Variants in CHAC2 observed in about 807,000 individuals in gnomAD.
CHAC2 encodes the protein glutathione-specific gamma-glutamylcyclotransferase 2.
A neutral mutation model predicts 16.9 loss-of-function variants in CHAC2; 20 were observed. That is an observed-to-expected ratio of 1.18 (90% CI 0.83 to 1.72). The LOEUF is 1.72. Among genes scored for constraint, CHAC2 ranks in the 40% most tolerant of loss-of-function variants. The pLI, the probability that CHAC2 is intolerant of heterozygous loss-of-function variation, is 0.00. For missense variants in CHAC2, 269 were observed against 222.2 expected, an observed-to-expected ratio of 1.21 and a Z score of -1.34; for synonymous variants, 91 against 77.3, an observed-to-expected ratio of 1.18 and a Z score of -0.93.
chr2:53,767,827 C>G lies in CHAC2; in HGVS notation c.-60C>G. 6.5e-7 allele frequency: 1 copy of G among 1,550,132 alleles called. No homozygotes were observed. Among genetic ancestry groups the G allele is most frequent in the Non-Finnish European group, 8.7e-7 (1 of 1,144,482 alleles). On this transcript the variant is annotated 5_prime_UTR_variant, in exon 1 of 3. Transcript: ENST00000295304. ...TTACTCGCTTACCGGAGGCTTCAGT[C>G]CCCGGCGGCGCGGCGACAGCTAGGG...
Position 53,768,174 on chromosome 2 carries a change from C to G in CHAC2, c.135+153C>G, listed in dbSNP as rs139183420. 1,948 of 877,690 alleles carry G rather than the reference C, an allele frequency of 2.2e-3. 16 individuals are homozygous for G. The highest frequency in any genetic ancestry group is 0.012 in the South Asian group (627 of 51,322). The allele number at this position is 877,690 out of a possible 1,614,324, so 54.4% of individuals were successfully genotyped here. On this transcript the variant is annotated intron_variant, in intron 1 of 2. Coordinates refer to ENST00000295304, the MANE Select transcript of CHAC2 (RefSeq NM_001008708.4). The stretch of plus-strand genomic sequence containing the variant: ...TAACATTTCTGTAGATTTTCCCTGC[C>G]ACCTGCCCGCCATCTCTAACCCAGC...
chr2:53,774,259 A>G lies in CHAC2; in HGVS notation c.289A>G (p.Lys97Glu). 5 of 1,614,180 alleles carry G rather than the reference A, an allele frequency of 3.1e-6. No individual in the cohort carries two copies. The highest frequency in any genetic ancestry group is 3.4e-6 in the Non-Finnish European group (4 of 1,180,026). Residue 97 changes from lysine to glutamate, a missense_variant, in exon 3 of 3, where the codon AAA (lysine) becomes GAA (glutamate). Lys to Glu is a moderately conservative substitution (Grantham distance 56). Transcript: ENST00000295304. The part of the protein sequence containing the change: ...YRTTTVIFYP[K>E]DPTTKPFSVL... Reference sequence around the variant, plus strand: ...AACCACAACAGTCATTTTTTATCCAAAAGATCCCACAACAAAACCATTCAG... The same window carrying G: ...AACCACAACAGTCATTTTTTATCCAGAAGATCCCACAACAAAACCATTCAG...
At chr2:53,772,165 T>C (rs767920225) in intron 2 of CHAC2, among the ~76,000 whole-genome samples, 34 of 148,972 alleles carry the variant, frequency 2.3e-4, no homozygotes, top group Non-Finnish European at 2.2e-4. Context: ...ACAAATAGCA[T>C]GTAGTTTTCG....
At chr2:53,771,516 A>T (rs1051828821) in intron 1 of CHAC2, among the ~76,000 whole-genome samples, 1 of 152,176 alleles carries the variant, frequency 6.6e-6, no homozygotes, top group Non-Finnish European at 1.5e-5. Context: ...TCCGTCTCAA[A>T]AAATAAATAA....
At position 53,774,645 on chromosome 2, in the gene CHAC2, A is replaced by C; in HGVS notation, c.*120A>C. On this transcript the variant is annotated 3_prime_UTR_variant, in exon 3 of 3. Transcript: ENST00000295304. Reference sequence around the variant, plus strand: ...TATTTAAACTTTTATTTTAACTGGAAATGTCCTGAAACACATATTTAAAAT... The same window carrying C: ...TATTTAAACTTTTATTTTAACTGGACATGTCCTGAAACACATATTTAAAAT... The C allele has an allele frequency of 1.4e-6, 1 of 716,080 alleles. No homozygotes were observed. The allele number at this position is 716,080 out of a possible 1,614,324, so 44.4% of individuals were successfully genotyped here.
In CHAC2 at chr2:53,775,051, T is replaced by C. The variant is rs1252611487; in HGVS notation, c.*526T>C. On this transcript the variant is annotated 3_prime_UTR_variant, in exon 3 of 3. Transcript: ENST00000295304. Reference sequence around the variant, plus strand: ...TATTAAATGAAATCTTTTGAGTTTTTAGCCAAAAATTGGCATTTTTAAAAT... The same window carrying C: ...TATTAAATGAAATCTTTTGAGTTTTCAGCCAAAAATTGGCATTTTTAAAAT... 1.3e-5 allele frequency: 2 copies of C among 152,678 alleles called. No homozygotes were observed. Among genetic ancestry groups the C allele is most frequent in the Non-Finnish European group, 2.9e-5 (2 of 68,056 alleles). 9.5% of individuals were successfully genotyped at this position (152,678 alleles called of 1,614,324 possible).
At position 53,768,947 on chromosome 2, in the gene CHAC2, A is replaced by T. The variant is rs543895279; in HGVS notation, c.135+926A>T. Among the ~76,000 whole-genome samples the T allele has an allele frequency of 3.3e-5, 5 of 152,382 alleles. No homozygotes were observed. In the South Asian group the frequency reaches 8.3e-4, roughly 25 times the overall value. Reference sequence around the variant, plus strand: ...GCGCTAAAGTAGTTTGCACCTGCTCATAAGAGAGACATGGGATTAAAATCA... The same window carrying T: ...GCGCTAAAGTAGTTTGCACCTGCTCTTAAGAGAGACATGGGATTAAAATCA... On this transcript the variant is annotated intron_variant, in intron 1 of 2. Transcript: ENST00000295304.
Position 53,774,641 on chromosome 2 carries a change from T to A in CHAC2, c.*116T>A. 1 of 752,238 alleles carries A rather than the reference T, an allele frequency of 1.3e-6. No individual in the cohort carries two copies. The highest frequency in any genetic ancestry group is 2.0e-6 in the Non-Finnish European group (1 of 508,372). 46.6% of individuals were successfully genotyped at this position (752,238 alleles called of 1,614,324 possible). On this transcript the variant is annotated 3_prime_UTR_variant, in exon 3 of 3. Coordinates refer to ENST00000295304, the MANE Select transcript of CHAC2 (RefSeq NM_001008708.4). ...ATATTATTTAAACTTTTATTTTAAC[T>A]GGAAATGTCCTGAAACACATATTTA... is the stretch of plus-strand genomic sequence containing the variant.
At chr2:53,770,492 T>C (rs1055348252) in intron 1 of CHAC2, among the ~76,000 whole-genome samples, 32 of 119,576 alleles carry the variant, frequency 2.7e-4, no homozygotes, top group Non-Finnish European at 4.6e-4. Context: ...GTGGACGAAG[T>C]TTATTTAAAA....
rs942626801 is a variant in CHAC2 at position 53,768,012 on chromosome 2, C to T, written c.126C>T (p.Val42=). 8 of 1,613,456 alleles carry T rather than the reference C, an allele frequency of 5.0e-6. No individual in the cohort carries two copies. In the Admixed American group the frequency reaches 1.0e-4, roughly 20 times the overall value. ...FWQGSTDHRG[V]PGKPGRVVTL... ...AGGGCAGCACGGACCACCGCGGGGTCCCCGGCAAGGTGAGGCGCCGGTCAG... is the reference window on the plus strand; with the variant it reads ...AGGGCAGCACGGACCACCGCGGGGTTCCCGGCAAGGTGAGGCGCCGGTCAG... Residue 42 remains valine, a synonymous_variant, in exon 1 of 3, where the codon GTC becomes GTT. Coordinates refer to ENST00000295304, the MANE Select transcript of CHAC2 (RefSeq NM_001008708.4).
Position 53,767,908 on chromosome 2 carries a change from T to C in CHAC2, c.22T>C (p.Ser8Pro), listed in dbSNP as rs1490506663. 1 of 1,612,978 alleles carries C rather than the reference T, an allele frequency of 6.2e-7. No individual in the cohort carries two copies. Residue 8 changes from serine (S) to proline (P), a missense_variant, in exon 1 of 3, where the codon TCC (serine) becomes CCC (proline). Ser to Pro is a moderately conservative substitution (Grantham distance 74, BLOSUM62 -1). Transcript: ENST00000295304. The part of the protein sequence containing the change: MWVFGYG[S>P]LIWKVDFPYQ... The stretch of plus-strand genomic sequence containing the variant: ...GAAGATGTGGGTTTTTGGTTACGGG[T>C]CCCTGATCTGGAAGGTGGATTTCCC...
chr2:53,775,022 C>G lies in CHAC2; in HGVS notation c.*497C>G, dbSNP rs1674234676. On this transcript the variant is annotated 3_prime_UTR_variant, in exon 3 of 3. Transcript: ENST00000295304. Reference sequence around the variant, plus strand: ...CTTAATTGTGAATTTCCTTGTTATTCAAGTATTAAATGAAATCTTTTGAGT... The same window carrying G: ...CTTAATTGTGAATTTCCTTGTTATTGAAGTATTAAATGAAATCTTTTGAGT... 6.6e-6 allele frequency: 1 copy of G among 152,518 alleles called. No homozygotes were observed. The highest frequency in any genetic ancestry group is 2.1e-4 in the South Asian group (1 of 4,828). The allele number at this position is 152,518 out of a possible 1,614,324, so 9.4% of individuals were successfully genotyped here.
chr2:53,769,756 G>A (rs1213409461), intron 1 of CHAC2, among the ~76,000 whole-genome samples: 1 of 152,218 alleles, frequency 6.6e-6, no homozygotes, highest in African/African-American at 2.4e-5. Flanking sequence ...GCTGAGGCAG[G>A]AGAATCGCTT....
At chr2:53,772,300 A>C (rs373304166) in intron 2 of CHAC2, among the ~76,000 whole-genome samples, 2 of 151,936 alleles carry the variant, frequency 1.3e-5, no homozygotes, top group Admixed American at 6.5e-5. Context: ...TCAGCCTCCC[A>C]AGTAGCTGGG....
Position 53,767,914 on chromosome 2 carries a change from A to T in CHAC2, c.28A>T (p.Ile10Phe). Residue 10 changes from isoleucine (I) to phenylalanine (F), a missense_variant, in exon 1 of 3, where the codon ATC (isoleucine) becomes TTC (phenylalanine). By Grantham distance (21) the Ile-to-Phe change is conservative. Transcript: ENST00000295304. ...GTGGGTTTTTGGTTACGGGTCCCTG[A>T]TCTGGAAGGTGGATTTCCCCTATCA... is the stretch of plus-strand genomic sequence containing the variant. MWVFGYGSLIWKVDFPYQDK... is the reference protein window; with the variant it reads MWVFGYGSLFWKVDFPYQDK... The T allele has an allele frequency of 6.2e-7, 1 of 1,613,550 alleles. No individual in the cohort carries two copies. The highest frequency in any genetic ancestry group is 8.5e-7 in the Non-Finnish European group (1 of 1,179,814).
Position 53,774,266 on chromosome 2 carries a change from C to T in CHAC2, c.296C>T (p.Pro99Leu), listed in dbSNP as rs146249913. 1.2e-6 allele frequency: 2 copies of T among 1,614,052 alleles called. No individual in the cohort carries two copies. The highest frequency in any genetic ancestry group is 1.3e-5 in the African/African-American group (1 of 75,016). The change falls in exon 3 of 3, where the codon CCC becomes CTC. Residue 99 changes from proline to leucine, a missense_variant. By Grantham distance (98) the Pro-to-Leu change is moderately conservative. Transcript: ENST00000295304. ...ACAGTCATTTTTTATCCAAAAGATC[C>T]CACAACAAAACCATTCAGTGTATTG... ...TTTVIFYPKD[P>L]TTKPFSVLLY...
intron 2 of CHAC2, among the ~76,000 whole-genome samples, chr2:53,773,239 C>A (rs1211606518): frequency 6.6e-6 from 1 of 151,484 alleles, no homozygotes; most frequent in Non-Finnish European, 1.5e-5. Flanking sequence ...GTGAAAGGCT[C>A]ATATTTTTCA....
Position 53,774,171 on chromosome 2 carries a change from G to A in CHAC2, c.201G>A (p.Leu67=). The change falls in exon 3 of 3, where the codon TTG becomes TTA. Residue 67 remains leucine, a synonymous_variant. Transcript: ENST00000295304. ...GTGTATGGGGTGTTGCTTACAGATT[G>A]CCAGTAGGAAAGGAAGAAGAAGTAA... ...AGCVWGVAYR[L]PVGKEEEVKA... 1.2e-6 allele frequency: 2 copies of A among 1,611,510 alleles called. No homozygotes were observed. The highest frequency in any genetic ancestry group is 8.5e-7 in the Non-Finnish European group (1 of 1,178,914).
chr2:53,767,946 G>C lies in CHAC2; in HGVS notation c.60G>C (p.Lys20Asn), dbSNP rs1242665837. The change falls in exon 1 of 3, where the codon AAG (lysine) becomes AAC (asparagine). Residue 20 changes from lysine to asparagine, a missense_variant. Physicochemically the swap from Lys to Asn is moderately conservative, Grantham distance 94. Transcript: ENST00000295304. ...IWKVDFPYQDKLVGYITNYSR... is the reference protein window; with the variant it reads ...IWKVDFPYQDNLVGYITNYSR... Reference sequence around the variant, plus strand: ...AGGTGGATTTCCCCTATCAGGACAAGCTGGTCGGATACATCACCAACTACA... The same window carrying C: ...AGGTGGATTTCCCCTATCAGGACAACCTGGTCGGATACATCACCAACTACA... 1 of 1,614,162 alleles carries C rather than the reference G, an allele frequency of 6.2e-7. No homozygotes were observed. The highest frequency in any genetic ancestry group is 8.5e-7 in the Non-Finnish European group (1 of 1,180,016).
Sources: gnomAD v4.1 joint callset for allele counts (sites outside exome capture counted in the v4.1 genomes callset) on GRCh38, gnomAD v4.1.1 for gene constraint, MANE v1.5 for transcripts, NCBI Gene and HGNC (gene_info 2026-07-23, HGNC 2026-07-21) for gene names.